The following EML6 variants were observed in gnomAD, a reference collection of about 807,000 sequenced individuals.
EML6 encodes echinoderm microtubule-associated protein-like 6.
Under a neutral mutation model 240.1 loss-of-function variants are expected in EML6, and 154 were observed. That is an observed-to-expected ratio of 0.64 (90% CI 0.56 to 0.73). The LOEUF (loss-of-function observed/expected upper bound fraction) is 0.73, where lower values mean the gene tolerates loss of function less well. EML6 is among the 30% of genes least tolerant of loss of function. The pLI is 0.00. For missense variants in EML6, 2,964 were observed against 2,474.6 expected (o/e 1.20, Z -4.20); for synonymous variants, 1,148 against 899.0 (o/e 1.28, Z -4.95).
At chr2:54,844,357 A>G in intron 8 of EML6, 109 bp downstream of exon 8, 1 of 833,494 alleles carries the variant, frequency 1.2e-6, no homozygotes. Context: ...CACAGTTTCC[A>G]AATGAAACGT....
At chr2:54,886,702 G>C (rs911599471) in intron 17 of EML6, among the ~76,000 whole-genome samples, 1 of 152,164 alleles carries the variant, frequency 6.6e-6, no homozygotes, top group Non-Finnish European at 1.5e-5. Flanking sequence ...TGTTGAGCAT[G>C]TTTTCCTGTG....
Position 54,869,223 on chromosome 2 carries a change from A to T in EML6, c.2094A>T (p.Gln698His), listed in dbSNP as rs1447904021. The change falls in exon 15 of 42, where the codon CAA (glutamine) becomes CAT (histidine). Residue 698 changes from glutamine to histidine, a missense_variant. Physicochemically the swap from Gln to His is conservative, Grantham distance 24. Transcript: ENST00000356458. ...YDCRNNLFYT[Q>H]AGEVVYHIAA... The stretch of plus-strand genomic sequence containing the variant: ...GTAGAAACAATCTGTTCTACACACA[A>T]GCTGGAGAAGTAGTCTACCACATTG... 5 of 1,551,824 alleles carry T rather than the reference A, an allele frequency of 3.2e-6. No homozygotes were observed. In the East Asian group the frequency reaches 1.2e-4, roughly 38 times the overall value.
intron 2 of EML6, among the ~76,000 whole-genome samples, chr2:54,777,387 A>G (rs1292204394): frequency 6.6e-6 from 1 of 152,144 alleles, no homozygotes; most frequent in Non-Finnish European, 1.5e-5. Flanking sequence ...TTGGACTTTT[A>G]TGCTCACTTT....
chr2:54,860,027 G>C (rs1388088017), intron 12 of EML6, among the ~76,000 whole-genome samples: 1 of 152,166 alleles, frequency 6.6e-6, no homozygotes, highest in Non-Finnish European at 1.5e-5. Flanking sequence ...TTCTCTCTGA[G>C]AGAAAGTCAT....
intron 17 of EML6, among the ~76,000 whole-genome samples, chr2:54,889,975 G>A (rs894815705): frequency 6.6e-6 from 1 of 152,236 alleles, no homozygotes; most frequent in Non-Finnish European, 1.5e-5. Flanking sequence ...TAGTTAGCTT[G>A]AATAAATCTG....
intron 22 of EML6, among the ~76,000 whole-genome samples, chr2:54,901,098 C>T (rs1159669599): frequency 1.3e-5 from 2 of 152,190 alleles, no homozygotes; most frequent in Non-Finnish European, 2.9e-5. Flanking sequence ...ACAACTATGC[C>T]AGCTCTTTCC....
chr2:54,935,908 T>C lies in EML6; in HGVS notation c.4004+7157T>C, dbSNP rs548186457. The stretch of plus-strand genomic sequence containing the variant: ...AGCTGGGAATGAAAACACACTCTTA[T>C]AATCCCAGCTACTCAGGAGGCTGGG... On this transcript the variant is annotated intron_variant, in intron 28 of 41. Transcript: ENST00000356458. Among the ~76,000 whole-genome samples the C allele has an allele frequency of 2.6e-5, 4 of 152,234 alleles. No individual in the cohort carries two copies. In the East Asian group the frequency reaches 7.7e-4, roughly 29 times the overall value.
At chr2:54,965,190 C>G (rs969111405) in intron 38 of EML6, among the ~76,000 whole-genome samples, 4 of 152,174 alleles carry the variant, frequency 2.6e-5, no homozygotes, top group African/African-American at 9.7e-5. Flanking sequence ...GGGGAACTGA[C>G]CGGTGGAAGG....
chr2:54,938,116 C>T (rs554205392), intron 28 of EML6, among the ~76,000 whole-genome samples: 118 of 152,232 alleles, frequency 7.8e-4, no homozygotes, highest in African/African-American at 2.5e-3. Context: ...GAGGCCGAGG[C>T]GGGCAGATCA....
chr2:54,864,012 A>G (rs537505754), intron 13 of EML6, 123 bp downstream of exon 13: 5 of 591,500 alleles, frequency 8.5e-6, no homozygotes, highest in East Asian at 6.3e-5. Context: ...AACAAGAAAA[A>G]TAGTCTACTT....
At chr2:54,928,813 C>T (rs1229258018) in intron 28 of EML6, 62 bp downstream of exon 28, 3 of 1,543,420 alleles carry the variant, frequency 1.9e-6, no homozygotes, top group African/African-American at 1.4e-5. Flanking sequence ...TTGTTTAAGC[C>T]AGAGTGCGTT....
intron 31 of EML6, among the ~76,000 whole-genome samples, 170 bp downstream of exon 31, chr2:54,952,862 C>G (rs966103618): frequency 6.6e-6 from 1 of 152,206 alleles, no homozygotes; most frequent in African/African-American, 2.4e-5. Flanking sequence ...TTGACACATC[C>G]AGTGACTGTG....
Position 54,820,464 on chromosome 2 carries a change from TA to T in EML6, c.525+5del. 1 of 1,533,880 alleles carries T rather than the reference TA, an allele frequency of 6.5e-7. No individual in the cohort carries two copies. The highest frequency in any genetic ancestry group is 8.8e-7 in the Non-Finnish European group (1 of 1,134,462). ...AGCTGTGGAGTAAAACACATAAAGGTAAAGCTTTTTGTTTTTTAATTTTGGT... is the reference window on the plus strand; with the variant it reads ...AGCTGTGGAGTAAAACACATAAAGGTAAGCTTTTTGTTTTTTAATTTTGGT... On this transcript the variant is annotated splice_donor_region_variant and intron_variant, in intron 5 of 41. Transcript: ENST00000356458.
intron 7 of EML6, among the ~76,000 whole-genome samples, chr2:54,836,653 C>A (rs893799005): frequency 6.6e-6 from 1 of 152,122 alleles, no homozygotes; most frequent in African/African-American, 2.4e-5. Flanking sequence ...CCCTGGGGGT[C>A]CCCTGGCAGG....
chr2:54,918,913 C>T (rs562088714), intron 26 of EML6, among the ~76,000 whole-genome samples: 6 of 152,308 alleles, frequency 3.9e-5, no homozygotes, highest in African/African-American at 7.2e-5. Context: ...AAATGCTTAT[C>T]GAACTCCTGT....
chr2:54,753,729 A>G (rs1295588641), intron 2 of EML6, among the ~76,000 whole-genome samples: 1 of 149,402 alleles, frequency 6.7e-6, no homozygotes, highest in Non-Finnish European at 1.5e-5. Flanking sequence ...GCAGTGGTAC[A>G]GTCATAGCTC....
intron 4 of EML6, among the ~76,000 whole-genome samples, chr2:54,819,280 C>T (rs1011855902): frequency 1.3e-5 from 2 of 152,190 alleles, no homozygotes; most frequent in African/African-American, 4.8e-5. Context: ...CTACCTCCAT[C>T]AGAATCTCCT....
intron 29 of EML6, among the ~76,000 whole-genome samples, chr2:54,950,370 T>G (rs1197814814): frequency 6.6e-6 from 1 of 152,200 alleles, no homozygotes; most frequent in Non-Finnish European, 1.5e-5. Flanking sequence ...ATCTCTGGAC[T>G]TTGGCACACT....
chr2:54,825,399 A>T (rs1668537624), intron 5 of EML6, among the ~76,000 whole-genome samples: 1 of 152,120 alleles, frequency 6.6e-6, no homozygotes, highest in Admixed American at 6.5e-5. Flanking sequence ...TATTAAAAAA[A>T]ACTTTATTAC....
Sources: gnomAD v4.1 joint callset for allele counts (sites outside exome capture counted in the v4.1 genomes callset) on GRCh38, gnomAD v4.1.1 for gene constraint, MANE v1.5 for transcripts, NCBI Gene and HGNC (gene_info 2026-07-23, HGNC 2026-07-21) for gene names.